TATDN3: variants seen among roughly 807,000 people sequenced by gnomAD.
The protein encoded by TATDN3 is deoxyribonuclease TATDN3.
TATDN3 carries 29 observed loss-of-function variants against 40.1 expected under a neutral mutation model. That is an observed-to-expected ratio of 0.72 (90% CI 0.54 to 0.99). TATDN3 has a LOEUF of 0.99. Among genes scored for constraint, TATDN3 ranks in the 50% least tolerant of loss-of-function variants. The pLI is 0.00. For missense variants in TATDN3, 309 were observed against 321.9 expected, an observed-to-expected ratio of 0.96 and a Z score of 0.31; for synonymous variants, 105 against 117.0, an observed-to-expected ratio of 0.90 and a Z score of 0.66.
intron 9 of TATDN3, among the ~76,000 whole-genome samples, chr1:212,813,967 T>A (rs985081913): frequency 1.6e-5 from 2 of 124,050 alleles, no homozygotes; most frequent in African/African-American, 2.7e-5. Flanking sequence ...GGTAAACCTC[T>A]GTATATATAT....
intron 8 of TATDN3, among the ~76,000 whole-genome samples, chr1:212,811,484 G>A (rs1044339518): frequency 2.0e-5 from 3 of 151,598 alleles, no homozygotes; most frequent in Admixed American, 6.6e-5. Flanking sequence ...GGCTGGTCTC[G>A]AACTCCTGGT....
intron 7 of TATDN3, among the ~76,000 whole-genome samples, chr1:212,807,187 C>T (rs1337574044): frequency 6.6e-6 from 1 of 151,756 alleles, no homozygotes; most frequent in East Asian, 1.9e-4. Context: ...CTCAGGTGAT[C>T]GCCCACCTCG....
intron 1 of TATDN3, among the ~76,000 whole-genome samples, chr1:212,793,713 A>G (rs1340597274): frequency 6.6e-6 from 1 of 152,214 alleles, no homozygotes; most frequent in African/African-American, 2.4e-5. Flanking sequence ...TAAGTACTGA[A>G]GAATTGGATG....
intron 9 of TATDN3, among the ~76,000 whole-genome samples, chr1:212,813,215 T>C (rs1469342693): frequency 6.6e-6 from 1 of 152,206 alleles, no homozygotes; most frequent in African/African-American, 2.4e-5. Flanking sequence ...GTATCTCTTT[T>C]TGTTATTGTA....
rs1314457004 is a variant in TATDN3, at chr1:212,806,755, T to TCC, written c.488-981_488-980insCC. The stretch of plus-strand genomic sequence containing the variant: ...CTCTCTCTCTCTCTCTCCATATATA[T>TCC]ATATATATATATATATATATATATA... On this transcript the variant is annotated intron_variant, in intron 7 of 9. Coordinates refer to ENST00000366974, the MANE Select transcript of TATDN3 (RefSeq NM_001042552.3). Among the ~76,000 whole-genome samples, 3 of 67,446 alleles carry TCC rather than the reference T, an allele frequency of 4.4e-5. 1 individual carries two copies. The highest frequency in any genetic ancestry group is 8.7e-5 in the Non-Finnish European group (3 of 34,418). 44.2% of individuals were successfully genotyped at this position (67,446 alleles called of 152,430 possible). A position where few individuals can be genotyped will look rare whatever the true frequency, so the allele number is the denominator to read the frequency against.
rs773071377 is a variant in TATDN3, at chr1:212,807,749, A to G, written c.501A>G (p.Val167=). The change falls in exon 8 of 10, where the codon GTA becomes GTG. Residue 167 remains valine (V), a synonymous_variant. Coordinates refer to ENST00000366974, the MANE Select transcript of TATDN3 (RefSeq NM_001042552.3). The stretch of plus-strand genomic sequence containing the variant: ...CATTTTTGAAAGGTGCTGAGAAGGT[A>G]CTGCTGCATGCATTTGATGGTCGGC... The part of the protein sequence containing the change: ...NLLQEQGAEK[V]LLHAFDGRPS... 9 of 1,612,556 alleles carry G rather than the reference A, an allele frequency of 5.6e-6. No homozygotes were observed. Among genetic ancestry groups the G allele is most frequent in the Middle Eastern group, 1.7e-4 (1 of 6,056 alleles).
chr1:212,798,129 T>G (rs1006529039), intron 4 of TATDN3, among the ~76,000 whole-genome samples: 14 of 151,978 alleles, frequency 9.2e-5, no homozygotes, highest in Admixed American at 2.6e-4. Flanking sequence ...GATTGAGACC[T>G]TCCTGGCTAA....
At chr1:212,796,792 C>CA in intron 3 of TATDN3, 2 of 484,118 alleles carry the variant, frequency 4.1e-6, no homozygotes, top group South Asian at 8.8e-5. Context: ...AGCTGGAGTG[C>CA]AGTGGCGCAA....
intron 7 of TATDN3, among the ~76,000 whole-genome samples, chr1:212,805,781 G>A (rs371814566): frequency 6.6e-6 from 1 of 152,016 alleles, no homozygotes; most frequent in Non-Finnish European, 1.5e-5. Context: ...TACATCTTAT[G>A]GCATTATTTT....
chr1:212,810,223 G>A (rs1374944709), intron 8 of TATDN3, among the ~76,000 whole-genome samples: 2 of 151,498 alleles, frequency 1.3e-5, no homozygotes, highest in Non-Finnish European at 2.9e-5. Flanking sequence ...AATTAGCCGA[G>A]TGAAGGCAGG....
chr1:212,812,284 A>G lies in TATDN3; in HGVS notation c.637A>G (p.Ile213Val), dbSNP rs1243624227. Reference sequence around the variant, plus strand: ...TGTGAAACAATTGCCTTTAACTTCTATATGCTTAGAAACAGATTCACCTGC... The same window carrying G: ...TGTGAAACAATTGCCTTTAACTTCTGTATGCTTAGAAACAGATTCACCTGC... ...KLVKQLPLTS[I>V]CLETDSPALG... Residue 213 changes from isoleucine (I) to valine (V), a missense_variant, in exon 9 of 10, where the codon ATA becomes GTA. Ile to Val is a conservative substitution (Grantham distance 29). Transcript: ENST00000366974. The G allele has an allele frequency of 8.2e-6, 13 of 1,584,292 alleles. No individual in the cohort carries two copies. The highest frequency in any genetic ancestry group is 2.7e-5 in the African/African-American group (2 of 72,822).
intron 1 of TATDN3, chr1:212,794,665 A>T (rs1358888829): frequency 2.3e-6 from 1 of 443,748 alleles, no homozygotes. Flanking sequence ...CACTCAAGGC[A>T]AGTGCAGAGA....
chr1:212,795,262 T>TTTTA (rs143072334), intron 2 of TATDN3, 135 bp downstream of exon 2: 31,454 of 299,772 alleles, frequency 0.1, 2,804 homozygotes, highest in African/African-American at 0.24. Flanking sequence ...ATTTTTATTA[T>TTTTA]TTTATTTATT....
chr1:212,799,538 T>C (rs1005525825), intron 4 of TATDN3, among the ~76,000 whole-genome samples: 1 of 151,500 alleles, frequency 6.6e-6, no homozygotes, highest in African/African-American at 2.4e-5. Flanking sequence ...GATAGGTACT[T>C]CTTTTTTTTT....
At position 212,814,713 on chromosome 1, in the gene TATDN3, A is replaced by G. The variant is rs565525766; in HGVS notation, c.682-300A>G. Among the ~76,000 whole-genome samples, 14 of 152,330 alleles carry G rather than the reference A, an allele frequency of 9.2e-5. No individual in the cohort carries two copies. The South Asian group carries it at 2.9e-3, about 32-fold the overall frequency. ...ATTCACCTAAGCAACAAACCAAAGG[A>G]CAATTAATCCATTAGTCAGGCAGGT... On this transcript the variant is annotated intron_variant, in intron 9 of 9. Transcript: ENST00000366974.
At chr1:212,813,749 C>T (rs536367353) in intron 9 of TATDN3, among the ~76,000 whole-genome samples, 2 of 151,776 alleles carry the variant, frequency 1.3e-5, no homozygotes, top group African/African-American at 2.4e-5. Context: ...CTTGCTCTGT[C>T]GCCCAGGCTG....
chr1:212,802,525 T>C (rs1028463996), intron 4 of TATDN3, among the ~76,000 whole-genome samples, 176 bp from the exon 5 acceptor site: 1 of 152,218 alleles, frequency 6.6e-6, no homozygotes, highest in Admixed American at 6.6e-5. Context: ...CTACTCAAAC[T>C]TACAGGTAGA....
intron 9 of TATDN3, 106 bp from the exon 10 acceptor site, chr1:212,814,907 A>G: frequency 7.9e-7 from 1 of 1,271,216 alleles, no homozygotes; most frequent in Non-Finnish European, 1.1e-6. Context: ...ATTAAAAAGG[A>G]GCCCATCAGT....
chr1:212,811,342 A>G (rs1459662265), intron 8 of TATDN3, among the ~76,000 whole-genome samples: 2 of 152,126 alleles, frequency 1.3e-5, no homozygotes, highest in Non-Finnish European at 2.9e-5. Flanking sequence ...CATGTTGGTC[A>G]GGCTGGTCTC....
Sources: gnomAD v4.1 joint callset for allele counts (sites outside exome capture counted in the v4.1 genomes callset) on GRCh38, gnomAD v4.1.1 for gene constraint, MANE v1.5 for transcripts, NCBI Gene and HGNC (gene_info 2026-07-23, HGNC 2026-07-21) for gene names.